The following MALT1 variants were observed in gnomAD, a reference collection of about 807,000 sequenced individuals.
MALT1 encodes MALT1 paracaspase.
A neutral mutation model predicts 85.5 loss-of-function variants in MALT1; 36 were observed. The ratio of observed to expected loss-of-function variants is 0.42; its 90% confidence interval spans 0.32 to 0.56. The LOEUF is 0.56. Ranked by LOEUF, MALT1 falls within the 20% of genes least tolerant of loss-of-function variation. MALT1 has a pLI of 0.10. For missense variants in MALT1, 716 were observed against 981.6 expected (o/e 0.73, Z 3.62); for synonymous variants, 359 against 361.3 (o/e 0.99, Z 0.07).
Position 58,696,398 on chromosome 18 carries a change from G to A in MALT1, c.409G>A (p.Ala137Thr). 2.6e-6 allele frequency: 4 copies of A among 1,545,796 alleles called. No homozygotes were observed. The South Asian group carries it at 3.7e-5, about 14-fold the overall frequency. ...IKITVNPESK[A>T]VLAGQFVKLC... is the part of the protein sequence containing the mutation. The stretch of plus-strand genomic sequence containing the variant: ...GATTACTGTAAACCCAGAGTCAAAG[G>A]CAGTCTTGGCTGGACAGTTTGTGAA... The change falls in exon 3 of 17, where the codon GCA becomes ACA. Residue 137 changes from alanine (A) to threonine (T), a missense_variant. By Grantham distance (58) the Ala-to-Thr change is moderately conservative (BLOSUM62 0). Transcript: ENST00000649217.
In MALT1 at chr18:58,747,425, A is replaced by G; in HGVS notation, c.2058A>G (p.Val686=). The G allele has an allele frequency of 6.2e-7, 1 of 1,612,486 alleles. No individual in the cohort carries two copies. Among genetic ancestry groups the G allele is most frequent in the Non-Finnish European group, 8.5e-7 (1 of 1,178,872 alleles). ...TTCAGGAACATCTAGTCTTCACAGT[A>G]TGTTTATCATATCAGTACTCAGGAT... ...QKLKEHLVFT[V]CLSYQYSGLE... Residue 686 remains valine, a synonymous_variant, in exon 17 of 17, where the codon GTA becomes GTG. Coordinates refer to ENST00000649217, the MANE Select transcript of MALT1 (RefSeq NM_006785.4).
chr18:58,693,190 G>A (rs1473963736), intron 2 of MALT1, among the ~76,000 whole-genome samples: 1 of 152,186 alleles, frequency 6.6e-6, no homozygotes, highest in Non-Finnish European at 1.5e-5. Context: ...GGAGGCCAGG[G>A]CAGGAGGATT....
rs117133350 is a variant in MALT1 at position 58,701,122 on chromosome 18, C to T, written c.649+531C>T. 7.1e-4 allele frequency among the ~76,000 whole-genome samples: 102 copies of T among 144,432 alleles called. 1 individual carries two copies. The East Asian group carries it at 9.7e-3, about 14-fold the overall frequency. 94.8% of individuals were successfully genotyped at this position (144,432 alleles called of 152,430 possible). A position where few individuals can be genotyped will look rare whatever the true frequency, so the allele number is the denominator to read the frequency against. On this transcript the variant is annotated intron_variant, in intron 4 of 16. Transcript: ENST00000649217. The stretch of plus-strand genomic sequence containing the variant: ...TTAATTGTCCTTCTGTGTGTGTGCG[C>T]GCACGTTCACACATGCACACACACA...
Position 58,747,780 on chromosome 18 carries a change from G to T in MALT1, c.2413G>T (p.Val805Leu). 1 of 1,614,124 alleles carries T rather than the reference G, an allele frequency of 6.2e-7. No homozygotes were observed. Among genetic ancestry groups the T allele is most frequent in the Non-Finnish European group, 8.5e-7 (1 of 1,179,980 alleles). Residue 805 changes from valine (V) to leucine (L), a missense_variant, in exon 17 of 17, where the codon GTA becomes TTA. This residue lies in a region of MALT1 where 260 missense variants were observed against 323.7 expected (regional missense o/e 0.80). Transcript: ENST00000649217. ...TCATTTTAGTAGAAGTAATGTGCCA[G>T]TAGAGACAACTGATGAAATACCATT... is the stretch of plus-strand genomic sequence containing the variant. ...SCHFSRSNVPVETTDEIPFSF... is the reference protein window; with the variant it reads ...SCHFSRSNVPLETTDEIPFSF...
rs574285957 is a variant in MALT1 at position 58,696,337 on chromosome 18, A to ATTTTT, written c.377-7_377-3dup. On this transcript the variant is annotated intron_variant, in intron 2 of 16. Coordinates refer to ENST00000649217, the MANE Select transcript of MALT1 (RefSeq NM_006785.4). The stretch of plus-strand genomic sequence containing the variant: ...AAGGAAAATCCCTCTTGTGACTTTA[A>ATTTTT]TTTTTTTTTTTTTTTTTTTTTTTTT... 3.9e-4 allele frequency: 386 copies of ATTTTT among 990,764 alleles called. 3 individuals carry two copies. The highest frequency in any genetic ancestry group is 8.4e-4 in the Middle Eastern group (3 of 3,582). The allele number at this position is 990,764 out of a possible 1,614,324, so 61.4% of individuals were successfully genotyped here. A position where few individuals can be genotyped will look rare whatever the true frequency, so the allele number is the denominator to read the frequency against.
chr18:58,731,423 A>G (rs1273049668), intron 10 of MALT1, among the ~76,000 whole-genome samples: 3 of 152,168 alleles, frequency 2.0e-5, no homozygotes, highest in Non-Finnish European at 4.4e-5. Flanking sequence ...CATTATTTTT[A>G]AAACCCTATC....
At chr18:58,739,868 C>G (rs1189256355) in intron 13 of MALT1, among the ~76,000 whole-genome samples, 1 of 152,106 alleles carries the variant, frequency 6.6e-6, no homozygotes, top group African/African-American at 2.4e-5. Flanking sequence ...GTTGGTACTG[C>G]TTCTCTGGAG....
At chr18:58,699,691 C>A (rs1277326560) in intron 3 of MALT1, among the ~76,000 whole-genome samples, 1 of 152,220 alleles carries the variant, frequency 6.6e-6, no homozygotes, top group Non-Finnish European at 1.5e-5. Flanking sequence ...GATTTTAAAT[C>A]ATCAGATTAA....
rs770349160 is a variant in MALT1, at chr18:58,700,601, G to A, written c.649+10G>A. The A allele has an allele frequency of 2.2e-5, 35 of 1,577,962 alleles. No homozygotes were observed. Among genetic ancestry groups the A allele is most frequent in the African/African-American group, 2.8e-5 (2 of 72,654 alleles). ...CCAGAGAGCTTCCAGAGTAAGTAAC[G>A]AAAGAAGCTGAATGTTGGGATGGGG... On this transcript the variant is annotated intron_variant, in intron 4 of 16. Transcript: ENST00000649217.
At chr18:58,691,762 A>T (rs1024317401) in intron 2 of MALT1, among the ~76,000 whole-genome samples, 4 of 151,630 alleles carry the variant, frequency 2.6e-5, no homozygotes, top group African/African-American at 9.7e-5. Flanking sequence ...CAGCTACTCT[A>T]CTCAGGAGGC....
chr18:58,726,047 C>T (rs1005087166), intron 10 of MALT1, among the ~76,000 whole-genome samples: 3 of 152,086 alleles, frequency 2.0e-5, no homozygotes, highest in Admixed American at 6.6e-5. Context: ...GGCAACAAAG[C>T]GAGACTCCAT....
rs796719025 is a variant in MALT1 at position 58,748,200 on chromosome 18, G to A, written c.*358G>A. On this transcript the variant is annotated 3_prime_UTR_variant, in exon 17 of 17. Coordinates refer to ENST00000649217, the MANE Select transcript of MALT1 (RefSeq NM_006785.4). ...TATTTTTAACACCAGAAAGAACCTT[G>A]CCGATCACCAGGCATAACCTAATTT... 2 of 259,206 alleles carry A rather than the reference G, an allele frequency of 7.7e-6. No individual in the cohort carries two copies. The highest frequency in any genetic ancestry group is 4.4e-5 in the African/African-American group (2 of 45,138). 16.1% of individuals were successfully genotyped at this position (259,206 alleles called of 1,614,324 possible). A position where few individuals can be genotyped will look rare whatever the true frequency, so the allele number is the denominator to read the frequency against.
intron 4 of MALT1, among the ~76,000 whole-genome samples, chr18:58,707,022 CT>C (rs905950628): frequency 2.6e-5 from 4 of 151,272 alleles, no homozygotes; most frequent in African/African-American, 7.3e-5. Flanking sequence ...CTTGTAAGCT[CT>C]TTTTTTTTCT....
In MALT1 at chr18:58,710,981, A is replaced by G. The variant is rs202221672; in HGVS notation, c.958+28A>G. 7.7e-4 allele frequency: 1,172 copies of G among 1,530,202 alleles called. 9 individuals are homozygous for G. In the South Asian group the frequency reaches 9.5e-3, roughly 12 times the overall value. 94.8% of individuals were successfully genotyped at this position (1,530,202 alleles called of 1,614,324 possible). A position where few individuals can be genotyped will look rare whatever the true frequency, so the allele number is the denominator to read the frequency against. On this transcript the variant is annotated intron_variant, in intron 7 of 16. Coordinates refer to ENST00000649217, the MANE Select transcript of MALT1 (RefSeq NM_006785.4). Reference sequence around the variant, plus strand: ...AGTGTAAGTCTTTGGTTTGAAACCAAATCTCCTGCATGCTAGTTACTCTTG... The same window carrying G: ...AGTGTAAGTCTTTGGTTTGAAACCAGATCTCCTGCATGCTAGTTACTCTTG...
At chr18:58,686,599 G>A (rs1344910645) in intron 2 of MALT1, among the ~76,000 whole-genome samples, 3 of 152,174 alleles carry the variant, frequency 2.0e-5, no homozygotes, top group Non-Finnish European at 4.4e-5. Flanking sequence ...GCCTCACTGA[G>A]GGTACCTATG....
chr18:58,741,397 A>C (rs1171336553), intron 13 of MALT1: 1 of 152,122 alleles, frequency 6.6e-6, no homozygotes, highest in Admixed American at 6.5e-5. Flanking sequence ...AACTCCCAAC[A>C]TGTTGATTTA....
chr18:58,682,442 G>T (rs1229027151), intron 2 of MALT1, among the ~76,000 whole-genome samples: 3 of 152,218 alleles, frequency 2.0e-5, no homozygotes, highest in Non-Finnish European at 4.4e-5. Flanking sequence ...GTTGGTTTTT[G>T]TCTTTGCTCT....
At chr18:58,692,596 GAC>G (rs1193868941) in intron 2 of MALT1, among the ~76,000 whole-genome samples, 1 of 151,980 alleles carries the variant, frequency 6.6e-6, no homozygotes. Flanking sequence ...AAAGAACAGT[GAC>G]ACACAACAAT....
chr18:58,709,314 T>C (rs2054799520), intron 4 of MALT1, 64 bp from the exon 5 acceptor site: 18 of 1,150,574 alleles, frequency 1.6e-5, no homozygotes, highest in Non-Finnish European at 2.1e-5. Flanking sequence ...CACATCTCTT[T>C]AATTATAGGG....
Sources: allele counts gnomAD v4.1 joint callset (sites outside exome capture counted in the v4.1 genomes callset), GRCh38; gene constraint gnomAD v4.1.1; regional missense constraint gnomAD v4.1.1; transcripts MANE v1.5; gene names NCBI Gene and HGNC (gene_info 2026-07-23, HGNC 2026-07-21).